Variants in HECTD4 observed in about 807,000 individuals in gnomAD.
The protein encoded by HECTD4 is HECT domain E3 ubiquitin protein ligase 4, also known as probable E3 ubiquitin-protein ligase HECTD4.
A neutral mutation model predicts 471.5 loss-of-function variants in HECTD4; 114 were observed. That is an observed-to-expected ratio of 0.24 (90% CI 0.21 to 0.28). The LOEUF (loss-of-function observed/expected upper bound fraction) is 0.28, where lower values mean the gene tolerates loss of function less well. Among genes scored for constraint, HECTD4 ranks in the 10% least tolerant of loss-of-function variants. HECTD4 has a pLI of 1.00. For synonymous variants in HECTD4, 2,012 were observed against 2,256.0 expected, an observed-to-expected ratio of 0.89 and a Z score of 3.07; for missense variants, 3,866 against 5,651.5, an observed-to-expected ratio of 0.68 and a Z score of 10.13.
intron 66 of HECTD4, among the ~76,000 whole-genome samples, chr12:112,175,183 T>C (rs2137013391): frequency 6.6e-6 from 1 of 152,320 alleles, no homozygotes; most frequent in Non-Finnish European, 1.5e-5. Context: ...GATACGTATG[T>C]TGAAGCCCTA....
chr12:112,300,781 G>C (rs1046450605), intron 7 of HECTD4, among the ~76,000 whole-genome samples: 3 of 151,546 alleles, frequency 2.0e-5, no homozygotes, highest in Admixed American at 2.0e-4. Flanking sequence ...AAAAATTTTT[G>C]TAGAGGTGGC....
At chr12:112,216,460 G>T (rs1269966339) in intron 47 of HECTD4, 89 bp from the exon 48 acceptor site, 3 of 889,252 alleles carry the variant, frequency 3.4e-6, no homozygotes, top group Admixed American at 4.1e-5. Context: ...GAAGTGGAGG[G>T]GGGGTGGTCA....
chr12:112,382,427 G>T lies in HECTD4; in HGVS notation c.-299C>A. 3.7e-6 allele frequency: 1 copy of T among 267,226 alleles called. No individual in the cohort carries two copies. The highest frequency in any genetic ancestry group is 6.8e-6 in the Non-Finnish European group (1 of 146,126). The allele number at this position is 267,226 out of a possible 1,614,324, so 16.6% of individuals were successfully genotyped here. On this transcript the variant is annotated 5_prime_UTR_variant, in exon 1 of 76. Transcript: ENST00000682272. ...TCAGTGAGACGCCATGTTGGGGGCG[G>T]GGCTCCCGGCATGCCTCGCGGAGCG...
intron 4 of HECTD4, among the ~76,000 whole-genome samples, chr12:112,310,102 C>A (rs1380041425): frequency 6.6e-6 from 1 of 152,066 alleles, no homozygotes; most frequent in Non-Finnish European, 1.5e-5. Context: ...TGACCCTGAA[C>A]CTCTTTGAAC....
chr12:112,171,313 T>C (rs908681089), intron 67 of HECTD4, 50 bp from the exon 68 acceptor site: 4 of 1,559,254 alleles, frequency 2.6e-6, no homozygotes, highest in Non-Finnish European at 3.5e-6. Context: ...GTGGCTGAGA[T>C]GCCTGACTCA....
intron 60 of HECTD4, among the ~76,000 whole-genome samples, chr12:112,189,348 C>A (rs772514537): frequency 6.6e-6 from 1 of 151,650 alleles, no homozygotes; most frequent in Non-Finnish European, 1.5e-5. Flanking sequence ...GTCAGGAGAT[C>A]GAGACTATCC....
At chr12:112,368,036 A>C (rs2036600921) in intron 1 of HECTD4, among the ~76,000 whole-genome samples, 1 of 152,102 alleles carries the variant, frequency 6.6e-6, no homozygotes, top group Non-Finnish European at 1.5e-5. Flanking sequence ...TTAGTATAAA[A>C]CCACTACTTG....
At position 112,259,517 on chromosome 12, in the gene HECTD4, CTTT is replaced by C. The variant is rs34854104; in HGVS notation, c.2874-255_2874-253del. ...TTTTGCCAAAAAATTTATAAGCTGC[CTTT>C]TTTTTTTTTTTTTTTTTTGACAGGC... On this transcript the variant is annotated intron_variant, in intron 18 of 75. Transcript: ENST00000682272. 8.4e-5 allele frequency among the ~76,000 whole-genome samples: 10 copies of C among 118,632 alleles called. No individual in the cohort carries two copies. The East Asian group carries it at 8.5e-4, about 10-fold the overall frequency. The allele number at this position is 118,632 out of a possible 152,430, so 77.8% of individuals were successfully genotyped here. A position where few individuals can be genotyped will look rare whatever the true frequency, so the allele number is the denominator to read the frequency against.
intron 72 of HECTD4, among the ~76,000 whole-genome samples, 174 bp from the exon 73 acceptor site, chr12:112,164,449 C>T (rs947171958): frequency 2.6e-5 from 4 of 152,130 alleles, no homozygotes; most frequent in Non-Finnish European, 4.4e-5. Context: ...CAGGGCCGGG[C>T]GTGTGACCCA....
At chr12:112,238,247 G>A (rs2033560955) in intron 34 of HECTD4, among the ~76,000 whole-genome samples, 1 of 151,636 alleles carries the variant, frequency 6.6e-6, no homozygotes, top group African/African-American at 2.4e-5. Flanking sequence ...ACAGGGTCTC[G>A]CTCTGTTGCC....
Position 112,319,427 on chromosome 12 carries a change from A to G in HECTD4, c.493T>C (p.Cys165Arg), listed in dbSNP as rs2035544160. 1.4e-5 allele frequency: 22 copies of G among 1,536,010 alleles called. No homozygotes were observed. Among genetic ancestry groups the G allele is most frequent in the Admixed American group, 3.9e-5 (2 of 50,982 alleles). Residue 165 changes from cysteine to arginine, a missense_variant, in exon 2 of 76, where the codon TGT (cysteine) becomes CGT (arginine). Transcript: ENST00000682272. The surrounding 1 kb of genome is among the most constrained non-coding windows in gnomAD (Gnocchi z 5.3). ...AATAGCACCTCAGCAGTTATGTTACAGAGAGAGGGGTCTGTTCTACTCTGG... is the reference window on the plus strand; with the variant it reads ...AATAGCACCTCAGCAGTTATGTTACGGAGAGAGGGGTCTGTTCTACTCTGG... Reference protein sequence around the residue: ...QSQSRTDPSLCNITAEVLLNC... With the variant: ...QSQSRTDPSLRNITAEVLLNC...
intron 7 of HECTD4, among the ~76,000 whole-genome samples, chr12:112,291,573 T>TA (rs1410247446): frequency 5.3e-5 from 8 of 150,722 alleles, no homozygotes; most frequent in Non-Finnish European, 8.9e-5. Context: ...CCCCCATCTT[T>TA]AAAAAAAAAG....
At chr12:112,334,637 C>CAAA (rs869292531) in intron 1 of HECTD4, among the ~76,000 whole-genome samples, 33 of 45,228 alleles carry the variant, frequency 7.3e-4, no homozygotes, top group East Asian at 1.3e-3. Context: ...ACTAAAAATA[C>CAAA]AAAAAAAAAA....
At position 112,231,627 on chromosome 12, in the gene HECTD4, A is replaced by G. The variant is rs747840944; in HGVS notation, c.6086T>C (p.Ile2029Thr). The G allele has an allele frequency of 5.6e-6, 9 of 1,613,812 alleles. No homozygotes were observed. The highest frequency in any genetic ancestry group is 1.1e-5 in the South Asian group (1 of 91,076). Residue 2029 changes from isoleucine (I) to threonine (T), a missense_variant, in exon 39 of 76, where the codon ATT (isoleucine) becomes ACT (threonine). Around this residue, in one of 16 missense-constraint regions of HECTD4, gnomAD observed 617 missense variants for 915.1 expected, o/e 0.67. Coordinates refer to ENST00000682272, the MANE Select transcript of HECTD4 (RefSeq NM_001388303.1). ...KWAQSGLIVS[I>T]GPPVESINPE... ...GTTGATAGACTCTACAGGTGGCCCA[A>G]TGCTGACGATGAGGCCTGACTGTGC...
At chr12:112,318,823 T>G (rs2035535093) in intron 2 of HECTD4, among the ~76,000 whole-genome samples, 1 of 152,222 alleles carries the variant, frequency 6.6e-6, no homozygotes, top group Non-Finnish European at 1.5e-5. Context: ...GATGTACTTC[T>G]TATAGACAGG....
intron 22 of HECTD4, 49 bp downstream of exon 22, chr12:112,253,994 T>A: frequency 3.7e-6 from 6 of 1,605,182 alleles, no homozygotes; most frequent in Non-Finnish European, 5.1e-6. Flanking sequence ...CTGTGAGGAC[T>A]GCAAGTTCAT....
intron 72 of HECTD4, among the ~76,000 whole-genome samples, chr12:112,165,112 G>C (rs578224279): frequency 3.7e-4 from 56 of 150,568 alleles, no homozygotes; most frequent in African/African-American, 1.3e-3. Context: ...GTAGAGACGG[G>C]GTTTCACCAC....
At chr12:112,337,531 G>T (rs987661816) in intron 1 of HECTD4, among the ~76,000 whole-genome samples, 64 of 152,276 alleles carry the variant, frequency 4.2e-4, no homozygotes, top group African/African-American at 1.5e-3. Context: ...AGAAACAAAA[G>T]AGTATGACAA....
intron 59 of HECTD4, 138 bp from the exon 60 acceptor site, chr12:112,191,103 C>T: frequency 3.0e-6 from 2 of 668,702 alleles, no homozygotes; most frequent in East Asian, 2.8e-5. Flanking sequence ...CAGGAGGACA[C>T]ATAACTCCTG....
Sources: allele counts gnomAD v4.1 joint callset (sites outside exome capture counted in the v4.1 genomes callset), GRCh38; gene constraint gnomAD v4.1.1; regional missense constraint gnomAD v4.1.1; non-coding constraint Gnocchi (gnomAD v3.1); transcripts MANE v1.5; gene names NCBI Gene and HGNC (gene_info 2026-07-23, HGNC 2026-07-21).